CLTCL1: variants seen among roughly 807,000 people sequenced by gnomAD.
The protein encoded by CLTCL1 is clathrin heavy chain like 1, also known as clathrin heavy chain 2.
In CLTCL1, 159 loss-of-function variants were observed where a neutral mutation model predicts 190.0. The observed-to-expected ratio is 0.84, with a 90% CI of 0.74 to 0.95. The LOEUF is 0.95. CLTCL1 is among the 40% of genes least tolerant of loss of function. The pLI, the probability that CLTCL1 is intolerant of heterozygous loss-of-function variation, is 0.00. For synonymous variants in CLTCL1, 752 were observed against 769.6 expected (o/e 0.98, Z 0.38); for missense variants, 1,878 against 2,033.4 (o/e 0.92, Z 1.47).
intron 2 of CLTCL1, among the ~76,000 whole-genome samples, chr22:19,266,442 C>T (rs1354378195): frequency 6.6e-6 from 1 of 152,118 alleles, no homozygotes; most frequent in Non-Finnish European, 1.5e-5. Flanking sequence ...TTAAAATCTT[C>T]CCACAAAGAA....
chr22:19,256,117 A>G, intron 2 of CLTCL1, among the ~76,000 whole-genome samples: 1 of 151,978 alleles, frequency 6.6e-6, no homozygotes, highest in Admixed American at 6.6e-5. Context: ...TACAGGTTCA[A>G]TGCAATCCCA....
rs201465656 is a variant in CLTCL1, at chr22:19,263,028, C to CT, written c.251-8802dup. Among the ~76,000 whole-genome samples, 5 of 135,812 alleles carry CT rather than the reference C, an allele frequency of 3.7e-5. No individual in the cohort carries two copies. In the South Asian group the frequency reaches 1.1e-3, roughly 31 times the overall value. The allele number at this position is 135,812 out of a possible 152,430, so 89.1% of individuals were successfully genotyped here. A position where few individuals can be genotyped will look rare whatever the true frequency, so the allele number is the denominator to read the frequency against. ...CCTGGGTGACAGAGAGAGACTCCAT[C>CT]TTTAAAAAAAAAAAAAAAAAAGATT... is the stretch of plus-strand genomic sequence containing the variant. On this transcript the variant is annotated intron_variant, in intron 2 of 32. Transcript: ENST00000427926.
Position 19,208,269 on chromosome 22 carries a change from T to C in CLTCL1, c.3485A>G (p.Lys1162Arg), listed in dbSNP as rs782364047. The change falls in exon 22 of 33, where the codon AAA becomes AGA. Residue 1162 changes from lysine to arginine, a missense_variant. By Grantham distance (26) the Lys-to-Arg change is conservative. Transcript: ENST00000427926. ...DLVKFLQMAR[K>R]KGRESYIETE... is the part of the protein sequence containing the mutation. ...CTCTATATAGGACTCACGGCCCTTT[T>C]TCCTGGCCATCTGCAGAAATTTAAC... is the stretch of plus-strand genomic sequence containing the variant. The C allele has an allele frequency of 3.3e-5, 53 of 1,613,698 alleles. No individual in the cohort carries two copies. Among genetic ancestry groups the C allele is most frequent in the Middle Eastern group, 1.6e-4 (1 of 6,068 alleles).
chr22:19,180,348 C>T (rs1378760928), intron 31 of CLTCL1, 110 bp from the exon 32 acceptor site: 6 of 1,214,128 alleles, frequency 4.9e-6, no homozygotes, highest in African/African-American at 3.0e-5. Context: ...GTGTTTGCCC[C>T]ACAGTGTCCA....
chr22:19,289,167 G>C (rs1333226391), intron 1 of CLTCL1, among the ~76,000 whole-genome samples: 1 of 152,146 alleles, frequency 6.6e-6, no homozygotes, highest in Non-Finnish European at 1.5e-5. Flanking sequence ...ATTTTTAGTA[G>C]AGACGAGGTT....
chr22:19,222,655 C>T lies in CLTCL1; in HGVS notation c.2418+29G>A, dbSNP rs7292069. Reference sequence around the variant, plus strand: ...CCACTGACTGGGGCCCAGAGGCAGCCGGGTGTCACTCCAGGGAGCCAGCAG... The same window carrying T: ...CCACTGACTGGGGCCCAGAGGCAGCTGGGTGTCACTCCAGGGAGCCAGCAG... On this transcript the variant is annotated intron_variant, in intron 15 of 32. Coordinates refer to ENST00000427926, the MANE Select transcript of CLTCL1 (RefSeq NM_007098.4). 1,949 of 1,579,142 alleles carry T rather than the reference C, an allele frequency of 1.2e-3. 16 individuals carry two copies. The African/African-American group carries it at 0.018, about 15-fold the overall frequency.
At chr22:19,252,736 C>G (rs548632997) in intron 3 of CLTCL1, among the ~76,000 whole-genome samples, 1 of 151,996 alleles carries the variant, frequency 6.6e-6, no homozygotes, top group Non-Finnish European at 1.5e-5. Flanking sequence ...AAAAAGGGGA[C>G]GGGCGCGGTG....
chr22:19,225,268 CT>C (rs2085703820), intron 13 of CLTCL1, among the ~76,000 whole-genome samples, 184 bp downstream of exon 13: 1 of 152,248 alleles, frequency 6.6e-6, no homozygotes, highest in Non-Finnish European at 1.5e-5. Context: ...AAAAAGGTTA[CT>C]GAAGCTGAGG....
intron 2 of CLTCL1, among the ~76,000 whole-genome samples, chr22:19,264,052 T>TG (rs1246385980): frequency 1.1e-3 from 168 of 152,142 alleles, no homozygotes; most frequent in African/African-American, 3.8e-3. Context: ...CCTAGCGCTT[T>TG]GGGAAGCTGA....
At position 19,210,271 on chromosome 22, in the gene CLTCL1, A is replaced by G. The variant is rs1186571083; in HGVS notation, c.3249+55T>C. On this transcript the variant is annotated intron_variant, in intron 20 of 32. Coordinates refer to ENST00000427926, the MANE Select transcript of CLTCL1 (RefSeq NM_007098.4). ...GAGAGGACAAGGGCTTGCAGGGCGC[A>G]CTCATGATGTGGCAGAAGGTGCTAG... 10 of 1,558,176 alleles carry G rather than the reference A, an allele frequency of 6.4e-6. No individual in the cohort carries two copies. The East Asian group carries it at 2.3e-4, about 35-fold the overall frequency.
Position 19,216,147 on chromosome 22 carries a change from T to A in CLTCL1, c.3029A>T (p.Lys1010Met). Residue 1010 changes from lysine to methionine, a missense_variant, in exon 19 of 33, where the codon AAG (lysine) becomes ATG (methionine). Transcript: ENST00000427926. ...LPNELIELLE[K>M]IVLDNSVFSE... is the part of the protein sequence containing the mutation. Reference sequence around the variant, plus strand: ...GAAGACAGAGTTATCCAGAACTATCTTCTCCAGCAGTTCAATCAGTTCATT... The same window carrying A: ...GAAGACAGAGTTATCCAGAACTATCATCTCCAGCAGTTCAATCAGTTCATT... 2 of 1,613,956 alleles carry A rather than the reference T, an allele frequency of 1.2e-6. No homozygotes were observed. The highest frequency in any genetic ancestry group is 1.7e-6 in the Non-Finnish European group (2 of 1,179,844).
intron 19 of CLTCL1, among the ~76,000 whole-genome samples, chr22:19,215,568 G>A (rs712951): frequency 0.23 from 35,151 of 152,022 alleles, 4,911 homozygotes; most frequent in African/African-American, 0.39. Context: ...CTGCCGGTCC[G>A]TGTGGAAGCG....
In CLTCL1 at chr22:19,233,443, C is replaced by T; in HGVS notation, c.1347G>A (p.Glu449=). ...CTACCTTATCTTCTTTCAGCCACTT[C>T]TCTAGGAGTTGCTTACGCCCCTGCT... ...VLQQGRKQLL[E]KWLKEDKLEC... The change falls in exon 8 of 33, where the codon GAG becomes GAA. Residue 449 remains glutamate, a synonymous_variant. Transcript: ENST00000427926. The T allele has an allele frequency of 1.2e-6, 2 of 1,613,646 alleles. No homozygotes were observed. The highest frequency in any genetic ancestry group is 1.7e-6 in the Non-Finnish European group (2 of 1,179,726).
chr22:19,191,849 A>G (rs1306583194), intron 26 of CLTCL1, among the ~76,000 whole-genome samples: 1 of 152,164 alleles, frequency 6.6e-6, no homozygotes, highest in African/African-American at 2.4e-5. Context: ...AACCAAGTGG[A>G]CAGCATGTCC....
intron 32 of CLTCL1, 55 bp downstream of exon 32, chr22:19,180,144 G>T: frequency 6.6e-7 from 1 of 1,520,156 alleles, no homozygotes; most frequent in Non-Finnish European, 9.1e-7. Flanking sequence ...CGTGGGGTCA[G>T]CCAGAGAACC....
intron 13 of CLTCL1, among the ~76,000 whole-genome samples, chr22:19,225,014 C>A (rs890245431): frequency 1.6e-4 from 24 of 152,174 alleles, no homozygotes; most frequent in Non-Finnish European, 3.1e-4. Flanking sequence ...TGTCAGCCCC[C>A]CACAATCAAC....
At position 19,198,615 on chromosome 22, in the gene CLTCL1, T is replaced by A. The variant is rs1401613879; in HGVS notation, c.3873+1119A>T. The stretch of plus-strand genomic sequence containing the variant: ...GACCAAATCCTTCCATTTCTTCAGG[T>A]CTTTGCTCAAATGTCACCCCCTCAA... On this transcript the variant is annotated intron_variant, in intron 24 of 32. Transcript: ENST00000427926. This position sits in a 1 kb window ranked among gnomAD's most constrained non-coding sequence, Gnocchi z 4.1. Among the ~76,000 whole-genome samples the A allele has an allele frequency of 2.6e-5, 4 of 152,110 alleles. No homozygotes were observed. The highest frequency in any genetic ancestry group is 9.7e-5 in the African/African-American group (4 of 41,424).
chr22:19,271,600 G>A (rs1251284399), intron 2 of CLTCL1, among the ~76,000 whole-genome samples: 2 of 152,134 alleles, frequency 1.3e-5, no homozygotes, highest in East Asian at 1.9e-4. Flanking sequence ...CTATGGAACT[G>A]TGAGTCAATT....
intron 3 of CLTCL1, among the ~76,000 whole-genome samples, chr22:19,249,018 G>A (rs1163610060): frequency 6.6e-6 from 1 of 152,064 alleles, no homozygotes; most frequent in Non-Finnish European, 1.5e-5. Flanking sequence ...GAACTGTCTT[G>A]GCAACCTTGT....
Sources: allele counts gnomAD v4.1 joint callset (sites outside exome capture counted in the v4.1 genomes callset), GRCh38; gene constraint gnomAD v4.1.1; non-coding constraint Gnocchi (gnomAD v3.1); transcripts MANE v1.5; gene names NCBI Gene and HGNC (gene_info 2026-07-23, HGNC 2026-07-21).